DGKQ: variants seen among roughly 807,000 people sequenced by gnomAD.
The protein encoded by DGKQ is DAG kinase theta.
A neutral mutation model predicts 104.2 loss-of-function variants in DGKQ; 97 were observed. The observed-to-expected ratio is 0.93, with a 90% confidence interval of 0.79 to 1.10. The LOEUF (loss-of-function observed/expected upper bound fraction) is 1.10, where lower values mean the gene tolerates loss of function less well. Ranked by LOEUF, DGKQ falls within the 50% of genes least tolerant of loss-of-function variation. The pLI, the probability that DGKQ is intolerant of heterozygous loss-of-function variation, is 0.00. For missense variants in DGKQ, 1,465 were observed against 1,352.1 expected, an observed-to-expected ratio of 1.08 and a Z score of -1.31; for synonymous variants, 736 against 595.2, an observed-to-expected ratio of 1.24 and a Z score of -3.44.
Position 965,943 on chromosome 4 carries a change from C to T in DGKQ, c.1564G>A (p.Ala522Thr), listed in dbSNP as rs1560514661. The change falls in exon 13 of 23, where the codon GCC (alanine) becomes ACC (threonine). Residue 522 changes from alanine to threonine, a missense_variant. Ala to Thr is a moderately conservative substitution (Grantham distance 58). Coordinates refer to ENST00000273814, the MANE Select transcript of DGKQ (RefSeq NM_001347.4). ...PEEYSSLLHE[A>T]GATKATVVSV... ...GTGGTCACACCTTTGGTAGCCCCGG[C>T]CTCATGCAGCAGGCTGCTGTACTCC... The T allele has an allele frequency of 4.4e-6, 7 of 1,603,974 alleles. No individual in the cohort carries two copies. The highest frequency in any genetic ancestry group is 2.2e-5 in the East Asian group (1 of 44,582).
Position 971,038 on chromosome 4 carries a change from C to T in DGKQ, c.306G>A (p.Lys102=), listed in dbSNP as rs1292690002. The change falls in exon 2 of 23, where the codon AAG becomes AAA. Residue 102 remains lysine (K), a synonymous_variant. Coordinates refer to ENST00000273814, the MANE Select transcript of DGKQ (RefSeq NM_001347.4). The surrounding 1 kb of genome is among the most constrained non-coding windows in gnomAD (Gnocchi z 4.0). The part of the protein sequence containing the change: ...CNFMSHEKCL[K]HVRIPCTSVA... ...CACTCGTGCACGGGATCCTCACGTGCTTCAGGCACTTCTCATGAGACATGA... is the reference window on the plus strand; with the variant it reads ...CACTCGTGCACGGGATCCTCACGTGTTTCAGGCACTTCTCATGAGACATGA... 5 of 1,557,144 alleles carry T rather than the reference C, an allele frequency of 3.2e-6. No homozygotes were observed. Among genetic ancestry groups the T allele is most frequent in the Non-Finnish European group, 4.3e-6 (5 of 1,150,010 alleles).
intron 3 of DGKQ, 98 bp from the exon 4 acceptor site, chr4:968,662 G>T: frequency 1.5e-6 from 2 of 1,376,990 alleles, no homozygotes; most frequent in Non-Finnish European, 2.0e-6. Context: ...CTAGCACCCT[G>T]CATCCTTTAA....
chr4:966,508 C>T lies in DGKQ; in HGVS notation c.1386G>A (p.Met462Ile), dbSNP rs757070823. The T allele has an allele frequency of 1.2e-6, 2 of 1,612,528 alleles. No individual in the cohort carries two copies. The highest frequency in any genetic ancestry group is 1.7e-6 in the Non-Finnish European group (2 of 1,179,708). Residue 462 changes from methionine (M) to isoleucine (I), a missense_variant, in exon 12 of 23, where the codon ATG (methionine) becomes ATA (isoleucine). Transcript: ENST00000273814. ...GCCGGTCCAGCAGGGGCTGTTCGTCCATCAGCATCGTCCGCTGGACTGCAG... is the reference window on the plus strand; with the variant it reads ...GCCGGTCCAGCAGGGGCTGTTCGTCTATCAGCATCGTCCGCTGGACTGCAG... ...GCRHVQRTML[M>I]DEQPLLDRLQ... is the part of the protein sequence containing the mutation.
Position 967,356 on chromosome 4 carries a change from G to A in DGKQ, c.993C>T (p.Ala331=), listed in dbSNP as rs773686336. 41 of 1,534,086 alleles carry A rather than the reference G, an allele frequency of 2.7e-5. 1 individual carries two copies. Among genetic ancestry groups the A allele is most frequent in the African/African-American group, 4.1e-5 (3 of 72,858 alleles). Residue 331 remains alanine (A), a synonymous_variant, in exon 9 of 23, where the codon GCC becomes GCT. Coordinates refer to ENST00000273814, the MANE Select transcript of DGKQ (RefSeq NM_001347.4). The part of the protein sequence containing the change: ...RLAGAEEVLE[A]ALRAHHIPED... ...CGGGGATGTGGTGGGCCCGCAGTGCGGCCTCCTGCAGGGCACCAGGTTAGA... is the reference window on the plus strand; with the variant it reads ...CGGGGATGTGGTGGGCCCGCAGTGCAGCCTCCTGCAGGGCACCAGGTTAGA...
chr4:963,512 C>T (rs1000212392), intron 15 of DGKQ, among the ~76,000 whole-genome samples: 2 of 152,188 alleles, frequency 1.3e-5, no homozygotes, highest in Admixed American at 6.5e-5. Context: ...TGAGGACAGC[C>T]GGCTGGCTGC....
At chr4:969,180 C>A (rs1712725270) in intron 2 of DGKQ, among the ~76,000 whole-genome samples, 1 of 152,142 alleles carries the variant, frequency 6.6e-6, no homozygotes, top group African/African-American at 2.4e-5. Context: ...CAACCACACC[C>A]CCGGGTCCTG....
chr4:970,963 T>G, intron 2 of DGKQ, 30 bp downstream of exon 2: 1 of 1,525,732 alleles, frequency 6.6e-7, no homozygotes, highest in South Asian at 1.2e-5. Flanking sequence ...CCCAGCCTCT[T>G]GCAGGTGCAA....
intron 12 of DGKQ, 31 bp from the exon 13 acceptor site, chr4:966,109 G>C: frequency 6.4e-7 from 1 of 1,568,402 alleles, no homozygotes; most frequent in African/African-American, 1.3e-5. Context: ...ATGCTGGGCC[G>C]GGGAGAACGG....
chr4:963,028 C>A, intron 16 of DGKQ, 108 bp from the exon 17 acceptor site: 1 of 1,498,034 alleles, frequency 6.7e-7, no homozygotes, highest in South Asian at 1.3e-5. Context: ...ACTTCAAGGT[C>A]CCAGCACGGG....
chr4:970,172 G>A (rs1343656978), intron 2 of DGKQ, among the ~76,000 whole-genome samples: 8 of 152,228 alleles, frequency 5.3e-5, no homozygotes, highest in South Asian at 2.1e-4. Context: ...TAGAGGGGAC[G>A]GCGCAGCCGG....
Position 973,267 on chromosome 4 carries a change from G to T in DGKQ, c.216C>A (p.Thr72=). The stretch of plus-strand genomic sequence containing the variant: ...TGAAGTCGGAGCAGAGGTGGCAGAA[G>T]GTGGGCTTGGTGAGCGTCACCTTCC... ...SFRKVTLTKP[T]FCHLCSDFIW... Residue 72 remains threonine, a synonymous_variant, in exon 1 of 23, where the codon ACC becomes ACA. Coordinates refer to ENST00000273814, the MANE Select transcript of DGKQ (RefSeq NM_001347.4). 2 of 1,548,198 alleles carry T rather than the reference G, an allele frequency of 1.3e-6. No homozygotes were observed. Among genetic ancestry groups the T allele is most frequent in the Non-Finnish European group, 1.7e-6 (2 of 1,150,486 alleles).
intron 1 of DGKQ, 27 bp downstream of exon 1, chr4:973,185 G>C (rs930826572): frequency 1.3e-6 from 2 of 1,521,726 alleles, no homozygotes; most frequent in African/African-American, 1.4e-5. Context: ...GGCTGCAGCC[G>C]GGTAGGCATC....
chr4:969,293 T>A (rs891166934), intron 2 of DGKQ, among the ~76,000 whole-genome samples: 1 of 152,090 alleles, frequency 6.6e-6, no homozygotes, highest in African/African-American at 2.4e-5. Flanking sequence ...CTTCCCTCCT[T>A]GGGGCAGGCG....
rs1488507025 is a variant in DGKQ at position 967,940 on chromosome 4, G to A, written c.751C>T (p.Leu251Phe). ...GTCTTGCTGAAGCCGCCGGGCAGAA[G>A]GCGCACGCACGCGGGAGGCAGGACC... ...SLVLPPACVR[L>F]LPGGFSKTQS... The change falls in exon 6 of 23, where the codon CTT becomes TTT. Residue 251 changes from leucine (L) to phenylalanine (F), a missense_variant. Leu to Phe is a conservative substitution (Grantham distance 22). Coordinates refer to ENST00000273814, the MANE Select transcript of DGKQ (RefSeq NM_001347.4). 4.1e-6 allele frequency: 6 copies of A among 1,477,726 alleles called. No individual in the cohort carries two copies. Among genetic ancestry groups the A allele is most frequent in the South Asian group, 2.6e-5 (2 of 75,952 alleles). The allele number at this position is 1,477,726 out of a possible 1,614,324, so 91.5% of individuals were successfully genotyped here.
In DGKQ at chr4:960,738, G is replaced by C. The variant is rs1711826547; in HGVS notation, c.2728-17C>G. On this transcript the variant is annotated splice_polypyrimidine_tract_variant and intron_variant, in intron 22 of 22. Coordinates refer to ENST00000273814, the MANE Select transcript of DGKQ (RefSeq NM_001347.4). ...CATGTGCACCTGTCCCAGGGCAGGG[G>C]ACAGAGGACCAGGGTGACATGGCCG... 1.9e-6 allele frequency: 3 copies of C among 1,610,160 alleles called. No homozygotes were observed. The highest frequency in any genetic ancestry group is 1.1e-5 in the South Asian group (1 of 91,042).
In DGKQ at chr4:967,647, T is replaced by C. The variant is rs200268036; in HGVS notation, c.889A>G (p.Lys297Glu). ...CCATCAAAGATCTTCAGCGTTTGCT[T>C]CCCTGGGCCGGGTAAGCTCCGTGAG... The part of the protein sequence containing the change: ...RETQATPESG[K>E]QTLKIFDGDD... Residue 297 changes from lysine (K) to glutamate (E), a missense_variant and splice_region_variant, in exon 8 of 23, where the codon AAG becomes GAG. Physicochemically the swap from Lys to Glu is moderately conservative, Grantham distance 56 (BLOSUM62 1). Coordinates refer to ENST00000273814, the MANE Select transcript of DGKQ (RefSeq NM_001347.4). 61 of 1,612,416 alleles carry C rather than the reference T, an allele frequency of 3.8e-5. No homozygotes were observed. Among genetic ancestry groups the C allele is most frequent in the Non-Finnish European group, 5.1e-5 (60 of 1,179,806 alleles).
In DGKQ at chr4:968,821, G is replaced by C; in HGVS notation, c.441C>G (p.Leu147=). 1 of 1,610,392 alleles carries C rather than the reference G, an allele frequency of 6.2e-7. No homozygotes were observed. Among genetic ancestry groups the C allele is most frequent in the East Asian group, 2.2e-5 (1 of 44,794 alleles). The change falls in exon 3 of 23, where the codon CTC becomes CTG. Residue 147 remains leucine, a synonymous_variant. Coordinates refer to ENST00000273814, the MANE Select transcript of DGKQ (RefSeq NM_001347.4). ...GCAGGCTCCAGGTACCTTCGCAGTG[G>C]AGCGCCGGTGCCTCCAGGACCTTGC... is the stretch of plus-strand genomic sequence containing the variant. ...VCRKVLEAPA[L]HCEVCELHLH...
At chr4:962,103 T>C in intron 18 of DGKQ, 21 bp from the exon 19 acceptor site, 1 of 1,600,622 alleles carries the variant, frequency 6.2e-7, no homozygotes, top group Non-Finnish European at 8.5e-7. Context: ...GGCGTTCATC[T>C]CCCAGGACCC....
chr4:966,935 G>C (rs774649192), intron 10 of DGKQ, 29 bp downstream of exon 10: 4 of 1,550,650 alleles, frequency 2.6e-6, no homozygotes, highest in Non-Finnish European at 3.5e-6. Context: ...GAGTCTGGCC[G>C]GCATGGGGAG....
Sources: allele counts gnomAD v4.1 joint callset (sites outside exome capture counted in the v4.1 genomes callset), GRCh38; gene constraint gnomAD v4.1.1; non-coding constraint Gnocchi (gnomAD v3.1); transcripts MANE v1.5; gene names NCBI Gene and HGNC (gene_info 2026-07-23, HGNC 2026-07-21).